ASIC2: variants seen among roughly 807,000 people sequenced by gnomAD.
The protein encoded by ASIC2 is acid-sensing ion channel 2.
Under a neutral mutation model 57.3 loss-of-function variants are expected in ASIC2, and 25 were observed. The ratio of observed to expected loss-of-function variants is 0.44; its 90% CI spans 0.32 to 0.61. The LOEUF (loss-of-function observed/expected upper bound fraction) is 0.61. ASIC2 is among the 20% of genes least tolerant of loss of function. The probability of loss-of-function intolerance (pLI) is 0.06; values close to 1 mark genes in which losing one functional copy is unlikely to be tolerated. For synonymous variants in ASIC2, 319 were observed against 307.5 expected (o/e 1.04, Z -0.39); for missense variants, 641 against 738.1 (o/e 0.87, Z 1.52).
intron 1 of ASIC2, among the ~76,000 whole-genome samples, chr17:34,040,107 C>A (rs1908061247): frequency 7.8e-6 from 1 of 128,200 alleles, no homozygotes; most frequent in Non-Finnish European, 1.6e-5. Context: ...GCGTACAGAG[C>A]CAGGCGCCCG....
chr17:33,860,994 G>T (rs1032484602), intron 1 of ASIC2, among the ~76,000 whole-genome samples: 2 of 152,160 alleles, frequency 1.3e-5, no homozygotes, highest in Non-Finnish European at 2.9e-5. Flanking sequence ...AATTTGCACT[G>T]TCCTTTTGGA....
chr17:34,142,492 T>G (rs1912298654), intron 1 of ASIC2, among the ~76,000 whole-genome samples: 2 of 152,236 alleles, frequency 1.3e-5, no homozygotes, highest in Admixed American at 6.5e-5. Flanking sequence ...TTACAAATTA[T>G]TTAATTCTCC....
chr17:33,789,668 A>G (rs1447880524), intron 1 of ASIC2, among the ~76,000 whole-genome samples: 1 of 107,918 alleles, frequency 9.3e-6, no homozygotes, highest in Non-Finnish European at 2.3e-5. Context: ...TTCTGTCATA[A>G]TTTCCTTTGT....
In ASIC2 at chr17:33,904,386, G is replaced by A. The variant is rs962834326; in HGVS notation, c.555+251592C>T. Among the ~76,000 whole-genome samples the A allele has an allele frequency of 7.2e-5, 11 of 152,096 alleles. No homozygotes were observed. The South Asian group carries it at 1.2e-3, about 17-fold the overall frequency. The stretch of plus-strand genomic sequence containing the variant: ...TACACATTAACATTTGAGTAGCACC[G>A]GTGTTAAGCTGTGGTTCTCCATACT... On this transcript the variant is annotated intron_variant, in intron 1 of 9. Transcript: ENST00000359872.
intron 3 of ASIC2, among the ~76,000 whole-genome samples, chr17:33,070,022 G>A (rs1047654004): frequency 2.0e-5 from 3 of 152,036 alleles, no homozygotes; most frequent in African/African-American, 7.2e-5. Context: ...TGGATTATAA[G>A]CTAAAACTTT....
At chr17:33,054,697 A>C (rs190932582) in intron 3 of ASIC2, among the ~76,000 whole-genome samples, 286 of 152,288 alleles carry the variant, frequency 1.9e-3, no homozygotes, top group African/African-American at 6.6e-3. Context: ...TCAAGTAAAC[A>C]CAGCTTCGTT....
At chr17:34,023,747 G>C (rs1194168127) in intron 1 of ASIC2, among the ~76,000 whole-genome samples, 1 of 152,088 alleles carries the variant, frequency 6.6e-6, no homozygotes, top group Admixed American at 6.5e-5. Context: ...GGACCTCCCA[G>C]CCTCCAGAAC....
intron 1 of ASIC2, among the ~76,000 whole-genome samples, chr17:33,159,109 C>A (rs1412809430): frequency 6.6e-6 from 1 of 152,102 alleles, no homozygotes; most frequent in Non-Finnish European, 1.5e-5. Context: ...CAGCTGCCAC[C>A]TTTCTTGCTT....
At chr17:33,571,331 G>A (rs1422773317) in intron 1 of ASIC2, among the ~76,000 whole-genome samples, 1 of 152,146 alleles carries the variant, frequency 6.6e-6, no homozygotes, top group Non-Finnish European at 1.5e-5. Flanking sequence ...TTAACTTCTT[G>A]TTGTTTTGTT....
At chr17:33,446,071 A>G (rs1319544378) in intron 1 of ASIC2, among the ~76,000 whole-genome samples, 1 of 151,962 alleles carries the variant, frequency 6.6e-6, no homozygotes, top group African/African-American at 2.4e-5. Flanking sequence ...TGGAAGATGG[A>G]GTAGGAGACC....
intron 1 of ASIC2, among the ~76,000 whole-genome samples, chr17:33,767,013 A>ACTGCT (rs1381959809): frequency 1.3e-5 from 2 of 152,158 alleles, no homozygotes; most frequent in Non-Finnish European, 2.9e-5. Flanking sequence ...AAGAAACCAC[A>ACTGCT]CTGCTATTTG....
At chr17:33,702,893 T>G (rs975292749) in intron 1 of ASIC2, among the ~76,000 whole-genome samples, 3 of 152,166 alleles carry the variant, frequency 2.0e-5, no homozygotes, top group Admixed American at 2.0e-4. Flanking sequence ...ACTAGGGGCA[T>G]TAGGTTCCTG....
intron 1 of ASIC2, among the ~76,000 whole-genome samples, chr17:33,318,030 G>C (rs1906727041): frequency 6.6e-6 from 1 of 152,048 alleles, no homozygotes; most frequent in Non-Finnish European, 1.5e-5. Context: ...CCGTCTTTAG[G>C]AAAGAGCTGA....
chr17:33,355,069 G>T (rs948224196), intron 1 of ASIC2, among the ~76,000 whole-genome samples: 1 of 152,112 alleles, frequency 6.6e-6, no homozygotes, highest in Non-Finnish European at 1.5e-5. Context: ...GTGTATATTC[G>T]GAGTGCTAAT....
chr17:33,540,470 AT>A (rs147773214), intron 1 of ASIC2, among the ~76,000 whole-genome samples: 10,266 of 152,068 alleles, frequency 0.068, 859 homozygotes, highest in African/African-American at 0.2. Flanking sequence ...TGGCATAAAG[AT>A]TGAGGGGGAG....
intron 1 of ASIC2, among the ~76,000 whole-genome samples, chr17:33,459,244 C>T (rs112300280): frequency 0.015 from 2,246 of 152,014 alleles, 29 homozygotes; most frequent in Admixed American, 0.036. Flanking sequence ...CTGTCCACGA[C>T]GGGGTCGGTC....
intron 1 of ASIC2, chr17:33,932,741 A>AAAAAATAT (rs1555572867): frequency 1.7e-5 from 1 of 58,714 alleles, no homozygotes; most frequent in African/African-American, 6.8e-5. Flanking sequence ...AAAAAAAAAA[A>AAAAAATAT]ATATATATAT....
At chr17:33,784,463 T>C (rs1249081904) in intron 1 of ASIC2, among the ~76,000 whole-genome samples, 1 of 152,184 alleles carries the variant, frequency 6.6e-6, no homozygotes, top group Non-Finnish European at 1.5e-5. Context: ...TGCTACCTCC[T>C]AGGCAATGCT....
At chr17:33,318,436 T>G (rs559235487) in intron 1 of ASIC2, among the ~76,000 whole-genome samples, 2 of 152,154 alleles carry the variant, frequency 1.3e-5, no homozygotes, top group Non-Finnish European at 2.9e-5. Flanking sequence ...GCACTCAGCT[T>G]TCTTTCACTC....
Sources: gnomAD v4.1 joint callset for allele counts (sites outside exome capture counted in the v4.1 genomes callset) on GRCh38, gnomAD v4.1.1 for gene constraint, MANE v1.5 for transcripts, NCBI Gene and HGNC (gene_info 2026-07-23, HGNC 2026-07-21) for gene names.